The following SAMD8 variants were observed in gnomAD, a reference collection of about 807,000 sequenced individuals.
SAMD8 encodes the protein sphingomyelin synthase-related protein 1.
Under a neutral mutation model 42.0 loss-of-function variants are expected in SAMD8, and 20 were observed. That is an observed-to-expected ratio of 0.48 (90% CI 0.34 to 0.69). The LOEUF (loss-of-function observed/expected upper bound fraction) is 0.69. SAMD8 is among the 30% of genes least tolerant of loss of function. The pLI is 0.01. For synonymous variants in SAMD8, 162 were observed against 173.0 expected, an observed-to-expected ratio of 0.94 and a Z score of 0.50; for missense variants, 328 against 511.6, an observed-to-expected ratio of 0.64 and a Z score of 3.46.
chr10:75,159,601 A>G (rs1431018142), intron 2 of SAMD8, among the ~76,000 whole-genome samples: 1 of 152,166 alleles, frequency 6.6e-6, no homozygotes, highest in East Asian at 1.9e-4. Context: ...CTCTTTGCCT[A>G]CTTGGAGAGA....
intron 1 of SAMD8, chr10:75,101,771 A>ACC: frequency 2.4e-6 from 1 of 408,860 alleles, no homozygotes; most frequent in Non-Finnish European, 4.9e-6. Context: ...CCCAAACCCC[A>ACC]CCCCTCCCCA....
At chr10:75,162,670 A>AG (rs1564692918) in intron 2 of SAMD8, among the ~76,000 whole-genome samples, 1 of 142,388 alleles carries the variant, frequency 7.0e-6, no homozygotes, top group African/African-American at 2.6e-5. Context: ...AAAAAAAAAA[A>AG]CTGAATTGCC....
intron 1 of SAMD8, among the ~76,000 whole-genome samples, chr10:75,136,635 T>C (rs1839891436): frequency 6.6e-6 from 1 of 152,174 alleles, no homozygotes; most frequent in Non-Finnish European, 1.5e-5. Context: ...AATATTTAAA[T>C]TGGCCTGTCA....
upstream of SAMD8, among the ~76,000 whole-genome samples, chr10:75,106,656 G>A (rs2134391228): frequency 6.6e-6 from 1 of 152,328 alleles, no homozygotes; most frequent in South Asian, 2.1e-4. Context: ...CTTATGAGTA[G>A]CTCTCACTAT....
intron 1 of SAMD8, among the ~76,000 whole-genome samples, chr10:75,101,377 C>A: frequency 6.6e-6 from 1 of 152,142 alleles, no homozygotes; most frequent in East Asian, 1.9e-4. Context: ...TTACTCTTAC[C>A]CTTTCCAGCC....
intron 1 of SAMD8, chr10:75,103,930 A>C: frequency 7.6e-7 from 1 of 1,316,720 alleles, no homozygotes; most frequent in Non-Finnish European, 1.0e-6. Context: ...GAGGGGGTGT[A>C]GGCGCCAGGA....
intron 1 of SAMD8, among the ~76,000 whole-genome samples, chr10:75,142,969 G>C (rs1309191813): frequency 2.6e-5 from 4 of 152,092 alleles, no homozygotes; most frequent in African/African-American, 9.7e-5. Flanking sequence ...GTGCATTGTT[G>C]GCTATTAAAA....
At position 75,118,451 on chromosome 10, in the gene SAMD8, C is replaced by T. The variant is rs186846001; in HGVS notation, c.-16+6729C>T. Among the ~76,000 whole-genome samples, 515 of 152,322 alleles carry T rather than the reference C, an allele frequency of 3.4e-3. 2 individuals carry two copies. The highest frequency in any genetic ancestry group is 0.011 in the African/African-American group (477 of 41,560). On this transcript the variant is annotated intron_variant, in intron 1 of 5. Transcript: ENST00000542569. ...CTTGAGATCAGAGTTCGAGACCAGC[C>T]TGGCCAGCATGGTGAAATGCTGTCT...
chr10:75,176,754 T>C lies in SAMD8; in HGVS notation c.*62T>C. On this transcript the variant is annotated 3_prime_UTR_variant, in exon 6 of 6. Transcript: ENST00000542569. This position sits in a 1 kb window ranked among gnomAD's most constrained non-coding sequence, Gnocchi z 4.3. ...AATAGTTGTTGAAAATGAGTAACTT[T>C]GCGTTCTCCCCCTAGGTTGTTCTTA... 7.8e-7 allele frequency: 1 copy of C among 1,284,614 alleles called. No homozygotes were observed. Among genetic ancestry groups the C allele is most frequent in the East Asian group, 2.5e-5 (1 of 39,452 alleles). 79.6% of individuals were successfully genotyped at this position (1,284,614 alleles called of 1,614,324 possible). A position where few individuals can be genotyped will look rare whatever the true frequency, so the allele number is the denominator to read the frequency against.
intron 2 of SAMD8, among the ~76,000 whole-genome samples, chr10:75,158,170 GAAA>G (rs1438062751): frequency 4.7e-5 from 7 of 147,776 alleles, no homozygotes; most frequent in Non-Finnish European, 1.1e-4. Flanking sequence ...AAAAAAAAAA[GAAA>G]AAAAGAAGGA....
intron 3 of SAMD8, among the ~76,000 whole-genome samples, chr10:75,167,938 G>C (rs140322228): frequency 6.6e-6 from 1 of 152,116 alleles, no homozygotes; most frequent in Non-Finnish European, 1.5e-5. Context: ...TCAGTAATAG[G>C]ACTAACACCA....
intron 1 of SAMD8, among the ~76,000 whole-genome samples, chr10:75,135,895 C>T (rs1839875900): frequency 6.6e-6 from 1 of 150,428 alleles, no homozygotes; most frequent in South Asian, 2.1e-4. Context: ...TTGATTGCTG[C>T]TTTTTTTTTG....
intron 2 of SAMD8, among the ~76,000 whole-genome samples, chr10:75,156,248 C>T (rs1403222481): frequency 6.9e-6 from 1 of 145,342 alleles, no homozygotes; most frequent in East Asian, 2.1e-4. Context: ...TAAATACATA[C>T]CATTCCTCAC....
At chr10:75,170,651 A>C (rs1840830250) in intron 4 of SAMD8, among the ~76,000 whole-genome samples, 1 of 151,784 alleles carries the variant, frequency 6.6e-6, no homozygotes, top group South Asian at 2.1e-4. Flanking sequence ...TATATTAAAA[A>C]GTAAAAATTC....
At chr10:75,172,548 C>T (rs1840894259) in intron 4 of SAMD8, among the ~76,000 whole-genome samples, 1 of 151,470 alleles carries the variant, frequency 6.6e-6, no homozygotes, top group African/African-American at 2.4e-5. Context: ...CCCCGGCTAG[C>T]GTGCGGTGGT....
intron 1 of SAMD8, among the ~76,000 whole-genome samples, chr10:75,140,767 A>G (rs1048880123): frequency 3.3e-5 from 5 of 152,256 alleles, no homozygotes; most frequent in African/African-American, 9.6e-5. Context: ...TATGAAATGT[A>G]TCAATATCTA....
intron 2 of SAMD8, among the ~76,000 whole-genome samples, chr10:75,156,809 G>A (rs943526396): frequency 1.3e-5 from 2 of 152,138 alleles, no homozygotes; most frequent in Non-Finnish European, 2.9e-5. Context: ...CAAGAGCCAC[G>A]TGAAATTTAA....
At chr10:75,149,675 T>A (rs1280482970) in intron 1 of SAMD8, among the ~76,000 whole-genome samples, 1 of 152,228 alleles carries the variant, frequency 6.6e-6, no homozygotes, top group Non-Finnish European at 1.5e-5. Flanking sequence ...GGTGGGGAGA[T>A]ACGTTTTCCA....
Position 75,181,912 on chromosome 10 carries a change from T to G in SAMD8, c.*5220T>G, listed in dbSNP as rs1841086674. 1 of 152,220 alleles carries G rather than the reference T, an allele frequency of 6.6e-6. No homozygotes were observed. Among genetic ancestry groups the G allele is most frequent in the Non-Finnish European group, 1.5e-5 (1 of 68,042 alleles). The allele number at this position is 152,220 out of a possible 1,614,324, so 9.4% of individuals were successfully genotyped here. On this transcript the variant is annotated 3_prime_UTR_variant, in exon 6 of 6. Coordinates refer to ENST00000542569, the MANE Select transcript of SAMD8 (RefSeq NM_001174156.2). The stretch of plus-strand genomic sequence containing the variant: ...AACGGACATGTTTTGTTTTGTGAAT[T>G]CTACCTAAATGTCTCTCTATCCACA...
Sources: gnomAD v4.1 joint callset for allele counts (sites outside exome capture counted in the v4.1 genomes callset) on GRCh38, gnomAD v4.1.1 for gene constraint, Gnocchi (gnomAD v3.1) non-coding constraint, MANE v1.5 for transcripts, NCBI Gene and HGNC (gene_info 2026-07-23, HGNC 2026-07-21) for gene names.